ADGRL2: variants seen among roughly 807,000 people sequenced by gnomAD.
The protein encoded by ADGRL2 is calcium-independent alpha-latrotoxin receptor 2.
In ADGRL2, 44 loss-of-function variants were observed where a neutral mutation model predicts 157.4. The observed-to-expected ratio is 0.28, with a 90% CI of 0.22 to 0.36. ADGRL2 has a LOEUF of 0.36. ADGRL2 is among the 10% of genes least tolerant of loss of function. ADGRL2 has a pLI of 1.00. For missense variants in ADGRL2, 1,510 were observed against 1,768.9 expected, an observed-to-expected ratio of 0.85 and a Z score of 2.63; for synonymous variants, 585 against 624.7, an observed-to-expected ratio of 0.94 and a Z score of 0.95.
chr1:81,894,468 C>G (rs2094338707), intron 2 of ADGRL2, among the ~76,000 whole-genome samples: 1 of 152,042 alleles, frequency 6.6e-6, no homozygotes, highest in East Asian at 1.9e-4. Flanking sequence ...TCATATTACC[C>G]ACTTGATTAG....
upstream of ADGRL2, among the ~76,000 whole-genome samples, chr1:81,697,833 C>A (rs190807356): frequency 2.0e-5 from 3 of 152,142 alleles, no homozygotes; most frequent in African/African-American, 4.8e-5. Flanking sequence ...ATGATGCCAG[C>A]CCCTCCTCAG....
intron 6 of ADGRL2, among the ~76,000 whole-genome samples, chr1:81,949,459 T>C (rs1273829781): frequency 6.6e-6 from 1 of 152,232 alleles, no homozygotes; most frequent in Non-Finnish European, 1.5e-5. Flanking sequence ...GTGACTAAGA[T>C]ATGAAGGGTT....
intron 2 of ADGRL2, among the ~76,000 whole-genome samples, chr1:81,767,345 CA>C (rs932994994): frequency 1.3e-5 from 2 of 151,940 alleles, no homozygotes; most frequent in African/African-American, 2.4e-5. Context: ...TAGATATGTG[CA>C]AAAATTTATA....
chr1:81,959,898 T>G (rs971602795), intron 11 of ADGRL2, among the ~76,000 whole-genome samples: 6 of 152,022 alleles, frequency 3.9e-5, no homozygotes, highest in Non-Finnish European at 8.8e-5. Context: ...CCTCCTGGGT[T>G]CAAGTGATTC....
chr1:81,675,449 A>G (rs1276217115), intron 3 of ADGRL2, among the ~76,000 whole-genome samples: 1 of 152,232 alleles, frequency 6.6e-6, no homozygotes, highest in Non-Finnish European at 1.5e-5. Flanking sequence ...TTTTTTCTTA[A>G]CAAAGAGGTG....
intron 2 of ADGRL2, among the ~76,000 whole-genome samples, chr1:81,456,262 C>T (rs1367887762): frequency 6.6e-6 from 1 of 152,010 alleles, no homozygotes; most frequent in Non-Finnish European, 1.5e-5. Context: ...CTCTGTTGCT[C>T]AGGCTGGAGT....
At chr1:81,821,476 T>C (rs2090984218) in intron 1 of ADGRL2, among the ~76,000 whole-genome samples, 1 of 152,068 alleles carries the variant, frequency 6.6e-6, no homozygotes, top group African/African-American at 2.4e-5. Flanking sequence ...TTTTCTTTGG[T>C]GGAGGAGCTG....
At chr1:81,953,703 G>T (rs1004638055) in intron 10 of ADGRL2, among the ~76,000 whole-genome samples, 2 of 152,150 alleles carry the variant, frequency 1.3e-5, no homozygotes, top group Non-Finnish European at 2.9e-5. Context: ...TAGTGGTTCT[G>T]TGTGATAGAT....
intron 1 of ADGRL2, among the ~76,000 whole-genome samples, chr1:81,416,788 G>C (rs2077040979): frequency 6.6e-6 from 1 of 152,158 alleles, no homozygotes; most frequent in African/African-American, 2.4e-5. Context: ...TTGGTCAGTG[G>C]TGCCAAGTAG....
chr1:81,990,153 A>T (rs897200995), intron 23 of ADGRL2: 4 of 984,932 alleles, frequency 4.1e-6, no homozygotes, highest in Admixed American at 6.2e-5. Context: ...ATAAAGTATT[A>T]CTCTGTATGC....
At chr1:81,402,433 A>T (rs1157709736) in intron 1 of ADGRL2, among the ~76,000 whole-genome samples, 1 of 152,132 alleles carries the variant, frequency 6.6e-6, no homozygotes, top group Non-Finnish European at 1.5e-5. Flanking sequence ...TTTGATGCAC[A>T]CCAAGAGAAT....
intron 2 of ADGRL2, among the ~76,000 whole-genome samples, chr1:81,580,510 G>A (rs752551161): frequency 1.3e-5 from 2 of 152,066 alleles, no homozygotes; most frequent in Admixed American, 1.3e-4. Context: ...GGGCCTTGAT[G>A]AAGCCAAGGG....
At chr1:81,359,087 A>G (rs2075925456) in intron 1 of ADGRL2, among the ~76,000 whole-genome samples, 1 of 152,106 alleles carries the variant, frequency 6.6e-6, no homozygotes. Context: ...AAAAAATTAA[A>G]AAAAAGAAAG....
At chr1:81,577,588 C>G (rs1268938392) in intron 2 of ADGRL2, among the ~76,000 whole-genome samples, 1 of 152,176 alleles carries the variant, frequency 6.6e-6, no homozygotes, top group Non-Finnish European at 1.5e-5. Flanking sequence ...TTCGCCTCTG[C>G]AAACCAGCAG....
intron 2 of ADGRL2, among the ~76,000 whole-genome samples, chr1:81,541,074 A>G (rs2079872145): frequency 6.6e-6 from 1 of 152,190 alleles, no homozygotes; most frequent in African/African-American, 2.4e-5. Flanking sequence ...CCCTCTAGGA[A>G]CTTATAATTT....
At chr1:81,887,863 A>T (rs1226575587) in intron 2 of ADGRL2, among the ~76,000 whole-genome samples, 2 of 152,232 alleles carry the variant, frequency 1.3e-5, no homozygotes, top group Admixed American at 6.5e-5. Context: ...ACAAATGATT[A>T]GTTCTCATTG....
chr1:81,314,855 A>G (rs17452799), intron 1 of ADGRL2, among the ~76,000 whole-genome samples: 67,553 of 152,026 alleles, frequency 0.44, 15,404 homozygotes, highest in Middle Eastern at 0.55. Flanking sequence ...ACTTTATAAC[A>G]TTGTGATCAT....
chr1:81,772,755 T>A (rs1017320446), intron 2 of ADGRL2, among the ~76,000 whole-genome samples: 1 of 151,932 alleles, frequency 6.6e-6, no homozygotes, highest in Non-Finnish European at 1.5e-5. Context: ...TAAGAATGAG[T>A]CCTTTTTTGT....
chr1:81,493,465 C>T (rs917680873), intron 2 of ADGRL2, among the ~76,000 whole-genome samples: 13 of 152,124 alleles, frequency 8.5e-5, no homozygotes, highest in Non-Finnish European at 1.9e-4. Flanking sequence ...TACGCTTGTG[C>T]TCTCCTATTT....
Sources: gnomAD v4.1 joint callset for allele counts (sites outside exome capture counted in the v4.1 genomes callset) on GRCh38, gnomAD v4.1.1 for gene constraint, MANE v1.5 for transcripts, NCBI Gene and HGNC (gene_info 2026-07-23, HGNC 2026-07-21) for gene names.